Variants in SPRED1 observed in about 807,000 individuals in gnomAD.
The protein encoded by SPRED1 is sprouty-related, EVH1 domain-containing protein 1.
Under a neutral mutation model 52.3 loss-of-function variants are expected in SPRED1, and 18 were observed. The ratio of observed to expected loss-of-function variants is 0.34; its 90% CI spans 0.24 to 0.51. SPRED1 has a LOEUF of 0.51. Among genes scored for constraint, SPRED1 ranks in the 20% least tolerant of loss-of-function variants. The pLI is 0.97. For missense variants in SPRED1, 485 were observed against 551.0 expected, an observed-to-expected ratio of 0.88 and a Z score of 1.20; for synonymous variants, 155 against 179.7, an observed-to-expected ratio of 0.86 and a Z score of 1.10.
chr15:38,343,525 G>A (rs564302437), intron 5 of SPRED1, among the ~76,000 whole-genome samples: 2 of 152,066 alleles, frequency 1.3e-5, no homozygotes, highest in East Asian at 1.9e-4. Flanking sequence ...GAAAGTTAAC[G>A]AAATTGAAAC....
intron 1 of SPRED1, among the ~76,000 whole-genome samples, chr15:38,284,536 T>A (rs1013869663): frequency 3.3e-5 from 5 of 152,108 alleles, no homozygotes; most frequent in Non-Finnish European, 7.3e-5. Context: ...TTTTACATTT[T>A]TATGCAGTTG....
intron 1 of SPRED1, among the ~76,000 whole-genome samples, chr15:38,265,256 A>C (rs1429746164): frequency 6.6e-6 from 1 of 152,144 alleles, no homozygotes; most frequent in East Asian, 1.9e-4. Context: ...CTTCAGAGGG[A>C]TACAACCTCT....
intron 5 of SPRED1, among the ~76,000 whole-genome samples, chr15:38,346,250 C>T (rs1253813007): frequency 6.6e-6 from 1 of 151,612 alleles, no homozygotes; most frequent in Non-Finnish European, 1.5e-5. Flanking sequence ...CAGGGAGGTC[C>T]AGGCCACAGT....
rs1894012862 is a variant in SPRED1 at position 38,253,066 on chromosome 15, C to T, written c.-120C>T. The T allele has an allele frequency of 8.6e-6, 7 of 815,692 alleles. No homozygotes were observed. The highest frequency in any genetic ancestry group is 2.9e-5 in the South Asian group (2 of 69,486). The allele number at this position is 815,692 out of a possible 1,614,324, so 50.5% of individuals were successfully genotyped here. A position where few individuals can be genotyped will look rare whatever the true frequency, so the allele number is the denominator to read the frequency against. ...GGTGAGGCATCCACCATGGTGAGGC[C>T]CCTGTGCCGCTGCCCCCGCGCCCCC... On this transcript the variant is annotated 5_prime_UTR_variant, in exon 1 of 7. Coordinates refer to ENST00000299084, the MANE Select transcript of SPRED1 (RefSeq NM_152594.3).
intron 1 of SPRED1, among the ~76,000 whole-genome samples, chr15:38,275,417 C>A (rs948154286): frequency 6.6e-6 from 1 of 152,152 alleles, no homozygotes; most frequent in South Asian, 2.1e-4. Flanking sequence ...GCTCTAGTTC[C>A]TTTTATTGGA....
At chr15:38,294,624 G>C (rs1894995719) in intron 1 of SPRED1, among the ~76,000 whole-genome samples, 1 of 152,174 alleles carries the variant, frequency 6.6e-6, no homozygotes, top group Admixed American at 6.5e-5. Flanking sequence ...GAAAGGTATA[G>C]AGAGAAGAGA....
At chr15:38,291,566 A>G (rs1250800456) in intron 1 of SPRED1, among the ~76,000 whole-genome samples, 3 of 152,214 alleles carry the variant, frequency 2.0e-5, no homozygotes, top group Non-Finnish European at 4.4e-5. Flanking sequence ...AGGTGTTTCC[A>G]TATATCTTCT....
intron 2 of SPRED1, among the ~76,000 whole-genome samples, chr15:38,310,153 G>GTGTGTGTTT (rs373463622): frequency 1.5e-5 from 2 of 132,186 alleles, no homozygotes; most frequent in East Asian, 2.3e-4. Flanking sequence ...GTGTGTGTGT[G>GTGTGTGTTT]TTTGGAGACG....
At position 38,278,695 on chromosome 15, in the gene SPRED1, G is replaced by A. The variant is rs555790013; in HGVS notation, c.33-20678G>A. On this transcript the variant is annotated intron_variant, in intron 1 of 6. Coordinates refer to ENST00000299084, the MANE Select transcript of SPRED1 (RefSeq NM_152594.3). ...TCCCATATACTTTAAATCATCTCTG[G>A]GTTTTTTATGATACCTAATACAATG... 2.6e-5 allele frequency among the ~76,000 whole-genome samples: 4 copies of A among 151,976 alleles called. No individual in the cohort carries two copies. In the East Asian group the frequency reaches 7.7e-4, roughly 29 times the overall value.
At position 38,349,423 on chromosome 15, in the gene SPRED1, T is replaced by A. The variant is rs1166488554; in HGVS notation, c.584T>A (p.Ile195Lys). The A allele has an allele frequency of 2.5e-6, 4 of 1,607,964 alleles. No homozygotes were observed. The highest frequency in any genetic ancestry group is 1.7e-5 in the Admixed American group (1 of 59,890). ...RVYMQSQANQ[I>K]TFGQPGLDIQ... is the part of the protein sequence containing the mutation. ...AAGTAGAAATTGTTTGTATTTTAGATAACATTTGGTCAGCCAGGCTTGGAC... is the reference window on the plus strand; with the variant it reads ...AAGTAGAAATTGTTTGTATTTTAGAAAACATTTGGTCAGCCAGGCTTGGAC... The change falls in exon 6 of 7, where the codon ATA becomes AAA. Residue 195 changes from isoleucine (I) to lysine (K), a missense_variant and splice_region_variant. By Grantham distance (102) the Ile-to-Lys change is moderately radical. Transcript: ENST00000299084.
chr15:38,276,726 T>A (rs1595720163), intron 1 of SPRED1, among the ~76,000 whole-genome samples: 1 of 152,230 alleles, frequency 6.6e-6, no homozygotes, highest in East Asian at 1.9e-4. Flanking sequence ...ATTTTAATTC[T>A]CATGTTCAGG....
At chr15:38,268,037 G>A (rs1461866028) in intron 1 of SPRED1, 1 of 152,152 alleles carries the variant, frequency 6.6e-6, no homozygotes, top group Non-Finnish European at 1.5e-5. Flanking sequence ...ATAACTCTGA[G>A]TTAGTTTACT....
At chr15:38,312,632 C>A (rs1895391954) in intron 2 of SPRED1, among the ~76,000 whole-genome samples, 1 of 152,048 alleles carries the variant, frequency 6.6e-6, no homozygotes, top group African/African-American at 2.4e-5. Flanking sequence ...TCCCCTCATC[C>A]CATGTCGTCG....
At position 38,318,739 on chromosome 15, in the gene SPRED1, T is replaced by A. The variant is rs552171202; in HGVS notation, c.208-3502T>A. ...CTTAGGATAATGGCCTCTAACTATATCCATGTTGCTGCAAAGCACATGATT... is the reference window on the plus strand; with the variant it reads ...CTTAGGATAATGGCCTCTAACTATAACCATGTTGCTGCAAAGCACATGATT... On this transcript the variant is annotated intron_variant, in intron 2 of 6. Transcript: ENST00000299084. Among the ~76,000 whole-genome samples the A allele has an allele frequency of 2.4e-4, 37 of 152,310 alleles. No individual in the cohort carries two copies. In the South Asian group the frequency reaches 7.0e-3, roughly 29 times the overall value.
intron 5 of SPRED1, among the ~76,000 whole-genome samples, chr15:38,341,788 G>A (rs981207382): frequency 1.3e-5 from 2 of 151,958 alleles, no homozygotes; most frequent in African/African-American, 4.8e-5. Context: ...TGTTTTATGT[G>A]CATTAAAAAA....
intron 1 of SPRED1, among the ~76,000 whole-genome samples, chr15:38,279,830 C>CA (rs1438600998): frequency 6.6e-6 from 1 of 152,158 alleles, no homozygotes; most frequent in Non-Finnish European, 1.5e-5. Flanking sequence ...TAATACATGA[C>CA]AAACACTTAT....
chr15:38,334,888 C>G (rs550242184), intron 4 of SPRED1, among the ~76,000 whole-genome samples: 1 of 53,080 alleles, frequency 1.9e-5, no homozygotes, highest in Middle Eastern at 9.8e-3. Flanking sequence ...TCAAAAAGTA[C>G]GGATTTTTTT....
chr15:38,320,708 T>C (rs1050585570), intron 2 of SPRED1, among the ~76,000 whole-genome samples: 3 of 152,194 alleles, frequency 2.0e-5, no homozygotes, highest in African/African-American at 4.8e-5. Flanking sequence ...TGGGTTTCAT[T>C]TGAATTATTT....
chr15:38,285,689 G>A (rs1007588248), intron 1 of SPRED1, among the ~76,000 whole-genome samples: 2 of 152,058 alleles, frequency 1.3e-5, no homozygotes, highest in African/African-American at 4.8e-5. Context: ...TGAAATATGT[G>A]GCTCTTGGAG....
Sources: gnomAD v4.1 joint callset for allele counts (sites outside exome capture counted in the v4.1 genomes callset) on GRCh38, gnomAD v4.1.1 for gene constraint, MANE v1.5 for transcripts, NCBI Gene and HGNC (gene_info 2026-07-23, HGNC 2026-07-21) for gene names.